The following HS3ST4 variants were observed in gnomAD, a reference collection of about 807,000 sequenced individuals.
HS3ST4 encodes the protein heparan sulfate glucosamine 3-O-sulfotransferase 4.
In HS3ST4, 17 loss-of-function variants were observed where a neutral mutation model predicts 29.2. The observed-to-expected ratio is 0.58, with a 90% confidence interval of 0.40 to 0.87. The LOEUF is 0.87. Among genes scored for constraint, HS3ST4 ranks in the 40% least tolerant of loss-of-function variants. The pLI is 0.00. For missense variants in HS3ST4, 627 were observed against 634.5 expected (o/e 0.99, Z 0.13); for synonymous variants, 314 against 285.7 (o/e 1.10, Z -1.00).
chr16:25,837,774 T>C (rs977337460), intron 1 of HS3ST4, among the ~76,000 whole-genome samples: 3 of 152,154 alleles, frequency 2.0e-5, no homozygotes, highest in Non-Finnish European at 4.4e-5. Context: ...CGTCACTTTA[T>C]TTATTTATTT....
intron 1 of HS3ST4, among the ~76,000 whole-genome samples, chr16:25,722,328 G>A (rs1966502907): frequency 6.6e-6 from 1 of 152,222 alleles, no homozygotes; most frequent in Non-Finnish European, 1.5e-5. Context: ...GACTCCATGA[G>A]AAGGGTTATT....
chr16:25,955,547 A>C (rs1331223233), intron 1 of HS3ST4, among the ~76,000 whole-genome samples: 1 of 152,158 alleles, frequency 6.6e-6, no homozygotes, highest in Non-Finnish European at 1.5e-5. Flanking sequence ...CAAATATATG[A>C]GTATGCAAAT....
At chr16:25,970,158 C>T (rs894370843) in intron 1 of HS3ST4, among the ~76,000 whole-genome samples, 1 of 152,216 alleles carries the variant, frequency 6.6e-6, no homozygotes, top group Non-Finnish European at 1.5e-5. Context: ...AAGGACAGGC[C>T]AAGAAACGGC....
In HS3ST4 at chr16:25,692,793, T is replaced by G; in HGVS notation, c.376T>G (p.Trp126Gly). ...GCCAGCCGCCCCCGGGACCGACGGC[T>G]GGGGGCTGCCGAGCGGCGGCGGAGG... ...EQPAAPGTDG[W>G]GLPSGGGGAQ... The change falls in exon 1 of 2, where the codon TGG (tryptophan) becomes GGG (glycine). Residue 126 changes from tryptophan (W) to glycine (G), a missense_variant. Trp to Gly is a radical substitution (Grantham distance 184). Transcript: ENST00000331351. The G allele has an allele frequency of 7.3e-7, 1 of 1,376,744 alleles. No homozygotes were observed. The highest frequency in any genetic ancestry group is 9.3e-7 in the Non-Finnish European group (1 of 1,075,376). The allele number at this position is 1,376,744 out of a possible 1,614,324, so 85.3% of individuals were successfully genotyped here. A position where few individuals can be genotyped will look rare whatever the true frequency, so the allele number is the denominator to read the frequency against.
intron 1 of HS3ST4, among the ~76,000 whole-genome samples, chr16:25,832,568 GTGC>G (rs1200790531): frequency 1.3e-5 from 2 of 152,182 alleles, no homozygotes; most frequent in African/African-American, 4.8e-5. Flanking sequence ...TAAGAACAAG[GTGC>G]TGTATATTTA....
chr16:26,116,472 A>G lies in HS3ST4; in HGVS notation c.735-19140A>G, dbSNP rs568284909. Among the ~76,000 whole-genome samples, 32 of 152,342 alleles carry G rather than the reference A, an allele frequency of 2.1e-4. 1 individual carries two copies. In the South Asian group the frequency reaches 5.8e-3, roughly 28 times the overall value. On this transcript the variant is annotated intron_variant, in intron 1 of 1. Coordinates refer to ENST00000331351, the MANE Select transcript of HS3ST4 (RefSeq NM_006040.3). Reference sequence around the variant, plus strand: ...GGAGTCATATTAGAGTCTGTCTCCAATGACAATTATAATTATTTTTCCCAT... The same window carrying G: ...GGAGTCATATTAGAGTCTGTCTCCAGTGACAATTATAATTATTTTTCCCAT...
intron 1 of HS3ST4, among the ~76,000 whole-genome samples, chr16:26,061,815 T>A (rs1458315213): frequency 1.3e-5 from 2 of 152,236 alleles, no homozygotes; most frequent in Non-Finnish European, 2.9e-5. Flanking sequence ...AATCTCGTGG[T>A]GGCAAGATGG....
chr16:25,880,240 G>C (rs541287263), intron 1 of HS3ST4, among the ~76,000 whole-genome samples: 68 of 152,224 alleles, frequency 4.5e-4, no homozygotes, highest in Non-Finnish European at 7.2e-4. Context: ...AGATATGTTG[G>C]ATTAATGGCT....
chr16:25,707,270 AG>A, intron 1 of HS3ST4, among the ~76,000 whole-genome samples: 1 of 152,328 alleles, frequency 6.6e-6, no homozygotes, highest in African/African-American at 2.4e-5. Context: ...CAATTTAGAA[AG>A]GGTAAGAATA....
chr16:26,106,249 G>A (rs8043740), intron 1 of HS3ST4, among the ~76,000 whole-genome samples: 86,265 of 151,896 alleles, frequency 0.57, 25,019 homozygotes, highest in Non-Finnish European at 0.64. Context: ...TTGAAAATGT[G>A]TGTGGGGTAA....
At chr16:25,785,349 G>T (rs1225148339) in intron 1 of HS3ST4, among the ~76,000 whole-genome samples, 1 of 152,200 alleles carries the variant, frequency 6.6e-6, no homozygotes, top group Non-Finnish European at 1.5e-5. Flanking sequence ...TGTAAGTAGA[G>T]TGTAAATAGT....
At chr16:26,130,487 CTG>C (rs1340822818) in intron 1 of HS3ST4, among the ~76,000 whole-genome samples, 3 of 152,134 alleles carry the variant, frequency 2.0e-5, no homozygotes, top group African/African-American at 7.2e-5. Context: ...ATGTCAGACA[CTG>C]TGTTTGGCGC....
At chr16:26,019,851 C>A (rs942483186) in intron 1 of HS3ST4, among the ~76,000 whole-genome samples, 17 of 152,128 alleles carry the variant, frequency 1.1e-4, no homozygotes, top group African/African-American at 3.4e-4. Context: ...AGAGAATAAT[C>A]AAGATTTATG....
Position 25,828,301 on chromosome 16 carries a change from C to CTCTCTCTCT in HS3ST4, c.734+135150_734+135151insTCTCTCTCT, listed in dbSNP as rs1555467593. On this transcript the variant is annotated intron_variant, in intron 1 of 1. Coordinates refer to ENST00000331351, the MANE Select transcript of HS3ST4 (RefSeq NM_006040.3). The stretch of plus-strand genomic sequence containing the variant: ...CTTTCTTTCTTTCTTTCTTTCTTTC[C>CTCTCTCTCT]CTCTCTCTCTCTCTCTCTCTCTCTC... Among the ~76,000 whole-genome samples, 31 of 32,898 alleles carry CTCTCTCTCT rather than the reference C, an allele frequency of 9.4e-4. 1 individual carries two copies. Among genetic ancestry groups the CTCTCTCTCT allele is most frequent in the Non-Finnish European group, 1.4e-3 (25 of 18,212 alleles). 21.6% of individuals were successfully genotyped at this position (32,898 alleles called of 152,430 possible).
At chr16:26,041,381 A>G (rs1444554136) in intron 1 of HS3ST4, among the ~76,000 whole-genome samples, 1 of 151,994 alleles carries the variant, frequency 6.6e-6, no homozygotes, top group Non-Finnish European at 1.5e-5. Context: ...AAAATTTTCA[A>G]AATAGAATTA....
intron 1 of HS3ST4, among the ~76,000 whole-genome samples, chr16:25,758,522 G>C (rs1011583636): frequency 2.0e-5 from 3 of 152,222 alleles, no homozygotes; most frequent in South Asian, 2.1e-4. Context: ...GCCTAGGCCT[G>C]GGCTTTCTCA....
intron 1 of HS3ST4, among the ~76,000 whole-genome samples, chr16:26,125,387 C>A (rs543923883): frequency 2.0e-5 from 3 of 152,310 alleles, no homozygotes; most frequent in African/African-American, 7.2e-5. Context: ...CTTGCTTCCG[C>A]AGTTCACAAT....
intron 1 of HS3ST4, among the ~76,000 whole-genome samples, chr16:25,959,433 T>C (rs1419621904): frequency 6.6e-6 from 1 of 152,062 alleles, no homozygotes; most frequent in Non-Finnish European, 1.5e-5. Context: ...CATAACTACA[T>C]CTCTGTCCAG....
At chr16:25,958,865 C>T (rs1208787677) in intron 1 of HS3ST4, among the ~76,000 whole-genome samples, 2 of 152,170 alleles carry the variant, frequency 1.3e-5, no homozygotes, top group Non-Finnish European at 2.9e-5. Context: ...GGCCGACTTC[C>T]CTCAAGGCAC....
Sources: allele counts gnomAD v4.1 joint callset (sites outside exome capture counted in the v4.1 genomes callset), GRCh38; gene constraint gnomAD v4.1.1; transcripts MANE v1.5; gene names NCBI Gene and HGNC (gene_info 2026-07-23, HGNC 2026-07-21).